Variants in UBR2 observed in about 807,000 individuals in gnomAD.
The protein encoded by UBR2 is ubiquitin protein ligase E3 component n-recognin 2, also known as E3 ubiquitin-protein ligase UBR2.
In UBR2, 92 loss-of-function variants were observed where a neutral mutation model predicts 247.9. The observed-to-expected ratio is 0.37, with a 90% confidence interval of 0.31 to 0.44. The LOEUF (loss-of-function observed/expected upper bound fraction) is 0.44. Ranked by LOEUF, UBR2 falls within the 20% of genes least tolerant of loss-of-function variation. The probability of loss-of-function intolerance (pLI) is 1.00; values close to 1 mark genes in which losing one functional copy is unlikely to be tolerated. For synonymous variants in UBR2, 672 were observed against 693.5 expected (o/e 0.97, Z 0.49); for missense variants, 1,613 against 2,112.6 (o/e 0.76, Z 4.64).
At chr6:42,653,551 T>C (rs1205675946) in intron 25 of UBR2, among the ~76,000 whole-genome samples, 2 of 150,842 alleles carry the variant, frequency 1.3e-5, no homozygotes, top group Non-Finnish European at 3.0e-5. Flanking sequence ...CTAAGTGATA[T>C]AACAATTATT....
rs147973984 is a variant in UBR2 at position 42,599,950 on chromosome 6, A to G, written c.532-3638A>G. Among the ~76,000 whole-genome samples the G allele has an allele frequency of 2.7e-4, 41 of 152,304 alleles. No individual in the cohort carries two copies. In the East Asian group the frequency reaches 7.5e-3, roughly 28 times the overall value. On this transcript the variant is annotated intron_variant, in intron 4 of 46. Coordinates refer to ENST00000372901, the MANE Select transcript of UBR2 (RefSeq NM_001363705.2). Reference sequence around the variant, plus strand: ...TTTAAAAAATAATAGAGCACATTAAAGTGGTATTAATAATAGATTTATTTT... The same window carrying G: ...TTTAAAAAATAATAGAGCACATTAAGGTGGTATTAATAATAGATTTATTTT...
chr6:42,648,854 C>T (rs2151964329), intron 22 of UBR2, among the ~76,000 whole-genome samples: 1 of 151,898 alleles, frequency 6.6e-6, no homozygotes, highest in Admixed American at 6.6e-5. Context: ...ATATTTATAA[C>T]AAAAAATGGG....
intron 1 of UBR2, among the ~76,000 whole-genome samples, chr6:42,570,236 A>G (rs981625442): frequency 6.6e-6 from 1 of 152,176 alleles, no homozygotes; most frequent in Non-Finnish European, 1.5e-5. Flanking sequence ...TAATGGTAGT[A>G]AAGTTTTTGG....
At chr6:42,604,334 C>T (rs1174056009) in intron 5 of UBR2, among the ~76,000 whole-genome samples, 4 of 152,020 alleles carry the variant, frequency 2.6e-5, no homozygotes, top group African/African-American at 9.7e-5. Flanking sequence ...TAAGACCAAG[C>T]TTGTTGGAAT....
chr6:42,619,606 AG>A (rs1365888416), intron 11 of UBR2: 1 of 204,986 alleles, frequency 4.9e-6, no homozygotes, highest in African/African-American at 2.3e-5. Flanking sequence ...AAAATTAGCC[AG>A]GCGTGGTGGC....
chr6:42,614,440 G>GTACATATATACGTATATATGTATGTATC (rs1794406444), intron 8 of UBR2, among the ~76,000 whole-genome samples: 2 of 149,778 alleles, frequency 1.3e-5, no homozygotes, highest in South Asian at 4.2e-4. Flanking sequence ...ATGTATGTAC[G>GTACATATATACGTATATATGTATGTATC]TACATATATA....
intron 34 of UBR2, among the ~76,000 whole-genome samples, chr6:42,668,754 A>G (rs1023972745): frequency 1.3e-5 from 2 of 150,956 alleles, no homozygotes; most frequent in Non-Finnish European, 3.0e-5. Flanking sequence ...ATTTTTTTTA[A>G]CTTTTTTAGA....
rs73424409 is a variant in UBR2, at chr6:42,652,025, A to G, written c.2568A>G (p.Ala856=). The change falls in exon 24 of 47, where the codon GCA becomes GCG. Residue 856 remains alanine, a splice_region_variant and synonymous_variant. Transcript: ENST00000372901. ...CAAATAACTTTATTTTTTATTAGGC[A>G]GAAGAAGCGCAACGGAAATTGAAAA... is the stretch of plus-strand genomic sequence containing the variant. ...YHFSRAEQSK[A]EEAQRKLKRQ... is the part of the protein sequence containing the mutation. 4,573 of 1,592,210 alleles carry G rather than the reference A, an allele frequency of 2.9e-3. 106 individuals are homozygous for G. In the African/African-American group the frequency reaches 0.056, roughly 20 times the overall value.
At position 42,564,174 on chromosome 6, in the gene UBR2, C is replaced by T. The variant is rs1177735086; in HGVS notation, c.-146C>T. 2 of 853,200 alleles carry T rather than the reference C, an allele frequency of 2.3e-6. No individual in the cohort carries two copies. Among genetic ancestry groups the T allele is most frequent in the Non-Finnish European group, 1.8e-6 (1 of 557,036 alleles). 52.9% of individuals were successfully genotyped at this position (853,200 alleles called of 1,614,324 possible). On this transcript the variant is annotated 5_prime_UTR_variant, in exon 1 of 47. Transcript: ENST00000372901. Reference sequence around the variant, plus strand: ...TTCCTTTCCGGTTCACGTCACCCTTCTCTCCCTCTGTTGCTCCACCTGCAG... The same window carrying T: ...TTCCTTTCCGGTTCACGTCACCCTTTTCTCCCTCTGTTGCTCCACCTGCAG...
Position 42,659,682 on chromosome 6 carries a change from C to G in UBR2, c.3269C>G (p.Thr1090Arg). The change falls in exon 30 of 47, where the codon ACA (threonine) becomes AGA (arginine). Residue 1090 changes from threonine (T) to arginine (R), a missense_variant. Thr to Arg is a moderately conservative substitution (Grantham distance 71). Around this residue, in one of 3 missense-constraint regions of UBR2, gnomAD observed 1,524 missense variants for 1,967.3 expected, o/e 0.77. Transcript: ENST00000372901. This position sits in a 1 kb window ranked among gnomAD's most constrained non-coding sequence, Gnocchi z 4.3. ...HSPVASDMTL[T>R]ALGPAQTQVP... ...CCTGTGGCTTCAGATATGACACTTA[C>G]AGCACTGGGCCCCGCACAAACTCAG... 2 of 1,613,798 alleles carry G rather than the reference C, an allele frequency of 1.2e-6. No individual in the cohort carries two copies. The highest frequency in any genetic ancestry group is 1.3e-5 in the African/African-American group (1 of 74,976).
At chr6:42,588,616 G>C (rs1438863786) in intron 2 of UBR2, among the ~76,000 whole-genome samples, 1 of 152,166 alleles carries the variant, frequency 6.6e-6, no homozygotes, top group Non-Finnish European at 1.5e-5. Context: ...AGTGAGCTGT[G>C]ATCAGGCCAC....
chr6:42,667,106 C>T (rs559595189), intron 34 of UBR2, among the ~76,000 whole-genome samples: 2 of 152,208 alleles, frequency 1.3e-5, no homozygotes, highest in Non-Finnish European at 2.9e-5. Context: ...GAGGCCATGG[C>T]GGGCAGATCA....
chr6:42,570,932 C>T (rs1319658723), intron 1 of UBR2, among the ~76,000 whole-genome samples: 4 of 151,534 alleles, frequency 2.6e-5, no homozygotes, highest in Admixed American at 6.6e-5. Context: ...ATGAGCCACC[C>T]GCCTTGGCCT....
intron 21 of UBR2, among the ~76,000 whole-genome samples, chr6:42,647,728 G>A (rs963695573): frequency 1.3e-5 from 2 of 152,066 alleles, no homozygotes; most frequent in African/African-American, 4.8e-5. Flanking sequence ...ACTGAAAATA[G>A]ACAAGAAATT....
At chr6:42,655,075 C>T (rs1307682327) in intron 25 of UBR2, among the ~76,000 whole-genome samples, 1 of 152,120 alleles carries the variant, frequency 6.6e-6, no homozygotes, top group Admixed American at 6.5e-5. Flanking sequence ...TTAGCTTACC[C>T]TGAGGATTTG....
intron 11 of UBR2, among the ~76,000 whole-genome samples, chr6:42,623,491 G>A (rs6899630): frequency 0.031 from 4,759 of 152,100 alleles, 276 homozygotes; most frequent in African/African-American, 0.11. Flanking sequence ...TCACTCTGTC[G>A]CGCAGGCTGG....
At chr6:42,664,853 G>A (rs1798020798) in intron 32 of UBR2, among the ~76,000 whole-genome samples, 1 of 152,166 alleles carries the variant, frequency 6.6e-6, no homozygotes, top group Non-Finnish European at 1.5e-5. Flanking sequence ...AAAGAACACA[G>A]GCTTTGGAAT....
chr6:42,636,640 G>C (rs79558789), intron 14 of UBR2, among the ~76,000 whole-genome samples: 5 of 152,106 alleles, frequency 3.3e-5, no homozygotes, highest in African/African-American at 9.7e-5. Context: ...GATGAAGGGG[G>C]CAAGAGTCAA....
intron 2 of UBR2, among the ~76,000 whole-genome samples, chr6:42,588,908 T>C (rs913209363): frequency 1.3e-5 from 2 of 152,228 alleles, no homozygotes; most frequent in Admixed American, 6.5e-5. Context: ...TTTGTAGTTA[T>C]TCCTTGTCAA....
Sources: allele counts gnomAD v4.1 joint callset (sites outside exome capture counted in the v4.1 genomes callset), GRCh38; gene constraint gnomAD v4.1.1; regional missense constraint gnomAD v4.1.1; non-coding constraint Gnocchi (gnomAD v3.1); transcripts MANE v1.5; gene names NCBI Gene and HGNC (gene_info 2026-07-23, HGNC 2026-07-21).